The following POU6F2 variants were observed in gnomAD, a reference collection of about 807,000 sequenced individuals.
The protein encoded by POU6F2 is POU class 6 homeobox 2.
A neutral mutation model predicts 71.3 loss-of-function variants in POU6F2; 31 were observed. That is an observed-to-expected ratio of 0.43 (90% CI 0.33 to 0.59). The LOEUF is 0.59. Among genes scored for constraint, POU6F2 ranks in the 20% least tolerant of loss-of-function variants. The pLI is 0.04. For synonymous variants in POU6F2, 347 were observed against 355.7 expected (o/e 0.98, Z 0.27); for missense variants, 783 against 856.8 (o/e 0.91, Z 1.07).
intron 6 of POU6F2, among the ~76,000 whole-genome samples, chr7:39,423,167 T>C (rs1040723609): frequency 6.6e-6 from 1 of 152,226 alleles, no homozygotes; most frequent in Non-Finnish European, 1.5e-5. Flanking sequence ...TCATTGACAG[T>C]TGCAGCAGTT....
chr7:39,034,690 T>C (rs1023664721), intron 1 of POU6F2, among the ~76,000 whole-genome samples: 1 of 152,158 alleles, frequency 6.6e-6, no homozygotes, highest in Non-Finnish European at 1.5e-5. Context: ...AAATGCGGGT[T>C]GGCTCAGCTT....
intron 5 of POU6F2, among the ~76,000 whole-genome samples, chr7:39,396,890 C>T (rs1038895717): frequency 1.4e-5 from 2 of 138,244 alleles, no homozygotes; most frequent in African/African-American, 5.2e-5. Flanking sequence ...ACCACCATAA[C>T]CAATCATTAA....
chr7:39,131,071 T>C (rs1197295587), intron 2 of POU6F2, among the ~76,000 whole-genome samples: 1 of 152,206 alleles, frequency 6.6e-6, no homozygotes, highest in East Asian at 1.9e-4. Context: ...AGCATTTACA[T>C]GTATTGATTA....
At chr7:39,043,377 T>A (rs1032963937) in intron 1 of POU6F2, among the ~76,000 whole-genome samples, 7 of 151,920 alleles carry the variant, frequency 4.6e-5, no homozygotes, top group Non-Finnish European at 1.0e-4. Context: ...TTATTCTCTG[T>A]CTATAAATAT....
At chr7:39,256,706 T>G (rs767287178) in intron 4 of POU6F2, among the ~76,000 whole-genome samples, 66 of 151,974 alleles carry the variant, frequency 4.3e-4, no homozygotes, top group Middle Eastern at 3.2e-3. Context: ...AAAGAAGGTG[T>G]GATGATGGCA....
At chr7:39,143,348 C>A (rs1792546916) in intron 2 of POU6F2, among the ~76,000 whole-genome samples, 2 of 152,054 alleles carry the variant, frequency 1.3e-5, no homozygotes, top group African/African-American at 2.4e-5. Flanking sequence ...CAGGGTTTGG[C>A]CTAATTGAGG....
chr7:39,031,323 T>G (rs970152902), intron 1 of POU6F2, among the ~76,000 whole-genome samples: 13 of 152,238 alleles, frequency 8.5e-5, no homozygotes, highest in African/African-American at 3.1e-4. Flanking sequence ...AAATGATCTG[T>G]AAGCCATTTT....
intron 1 of POU6F2, among the ~76,000 whole-genome samples, chr7:39,048,728 A>G (rs1790343412): frequency 6.6e-6 from 1 of 151,962 alleles, no homozygotes; most frequent in Admixed American, 6.6e-5. Context: ...GTTTCATGGT[A>G]GTTCTAAGTT....
At chr7:39,342,562 A>G (rs1442990558) in intron 5 of POU6F2, among the ~76,000 whole-genome samples, 1 of 152,200 alleles carries the variant, frequency 6.6e-6, no homozygotes, top group Non-Finnish European at 1.5e-5. Context: ...GAACTATGCA[A>G]TGTAGATTAC....
chr7:39,368,692 T>TA (rs1268999734), intron 5 of POU6F2, among the ~76,000 whole-genome samples: 5 of 152,212 alleles, frequency 3.3e-5, no homozygotes, highest in Non-Finnish European at 7.3e-5. Context: ...TATTAGGGGC[T>TA]AATGAAGCTG....
chr7:39,008,504 T>C (rs1465570325), intron 1 of POU6F2, among the ~76,000 whole-genome samples: 1 of 150,100 alleles, frequency 6.7e-6, no homozygotes, highest in African/African-American at 2.4e-5. Context: ...TTTCTTTTGC[T>C]GTGCAGAAGC....
intron 7 of POU6F2, among the ~76,000 whole-genome samples, chr7:39,439,331 T>TTTAATTGGGGCATTTACCCC (rs1788332747): frequency 6.6e-6 from 1 of 152,212 alleles, no homozygotes; most frequent in South Asian, 2.1e-4. Context: ...GTCTGTGTCT[T>TTTAATTGGGGCATTTACCCC]TTAATTGGGG....
intron 2 of POU6F2, among the ~76,000 whole-genome samples, chr7:39,165,045 A>G (rs1562729930): frequency 6.6e-6 from 1 of 152,188 alleles, no homozygotes; most frequent in Non-Finnish European, 1.5e-5. Context: ...TGTATTTCCT[A>G]AGATTACAAC....
At chr7:39,193,337 C>T (rs1793709771) in intron 2 of POU6F2, among the ~76,000 whole-genome samples, 1 of 152,180 alleles carries the variant, frequency 6.6e-6, no homozygotes, top group Admixed American at 6.5e-5. Context: ...TCTGCCATTT[C>T]CCCTCCACCC....
At chr7:39,260,709 G>A (rs758854179) in intron 4 of POU6F2, among the ~76,000 whole-genome samples, 8 of 149,504 alleles carry the variant, frequency 5.4e-5, no homozygotes, top group Admixed American at 1.3e-4. Context: ...CATACATACC[G>A]CACACCACAT....
At chr7:39,049,334 AAGCAC>A (rs1389486831) in intron 1 of POU6F2, among the ~76,000 whole-genome samples, 2 of 151,958 alleles carry the variant, frequency 1.3e-5, no homozygotes, top group Admixed American at 1.3e-4. Context: ...ACTTCCTTTT[AAGCAC>A]TGTTTTAAAT....
chr7:39,277,015 T>C (rs1045496047), intron 4 of POU6F2, among the ~76,000 whole-genome samples: 2 of 151,956 alleles, frequency 1.3e-5, no homozygotes, highest in African/African-American at 2.4e-5. Context: ...AACTAACCTG[T>C]ACATTGTGCA....
At chr7:39,255,408 G>A (rs1784002160) in intron 4 of POU6F2, among the ~76,000 whole-genome samples, 1 of 152,180 alleles carries the variant, frequency 6.6e-6, no homozygotes, top group South Asian at 2.1e-4. Context: ...CTCATGGAAA[G>A]AAGACACTTT....
At chr7:38,985,348 A>G (rs369333482) in intron 1 of POU6F2, among the ~76,000 whole-genome samples, 28 of 152,198 alleles carry the variant, frequency 1.8e-4, no homozygotes, top group African/African-American at 6.3e-4. Context: ...CATCAAACTC[A>G]TTTCACTTAG....
Sources: allele counts gnomAD v4.1 joint callset (sites outside exome capture counted in the v4.1 genomes callset), GRCh38; gene constraint gnomAD v4.1.1; transcripts MANE v1.5; gene names NCBI Gene and HGNC (gene_info 2026-07-23, HGNC 2026-07-21).